ERBB4: variants seen among roughly 807,000 people sequenced by gnomAD.
ERBB4 encodes the protein receptor tyrosine-protein kinase erbB-4.
In ERBB4, 42 loss-of-function variants were observed where a neutral mutation model predicts 158.0. The observed-to-expected ratio is 0.27, with a 90% confidence interval of 0.21 to 0.34. The LOEUF (loss-of-function observed/expected upper bound fraction) is 0.34. Among genes scored for constraint, ERBB4 ranks in the 10% least tolerant of loss-of-function variants. The probability of loss-of-function intolerance (pLI) is 1.00; values close to 1 mark genes in which losing one functional copy is unlikely to be tolerated. For synonymous variants in ERBB4, 583 were observed against 558.7 expected, an observed-to-expected ratio of 1.04 and a Z score of -0.61; for missense variants, 1,333 against 1,624.1, an observed-to-expected ratio of 0.82 and a Z score of 3.08.
Position 212,071,313 on chromosome 2 carries a change from G to GA in ERBB4, c.234+53438dup, listed in dbSNP as rs35559308. Among the ~76,000 whole-genome samples the GA allele has an allele frequency of 7.9e-3, 1,160 of 146,310 alleles. 12 individuals carry two copies. The highest frequency in any genetic ancestry group is 0.027 in the African/African-American group (1,077 of 39,552). Reference sequence around the variant, plus strand: ...ACAAATTAAAGCAGACAGAAGAAATGAAAAAAAAAAAACCCACTCAGAAAC... The same window carrying GA: ...ACAAATTAAAGCAGACAGAAGAAATGAAAAAAAAAAAAACCCACTCAGAAAC... On this transcript the variant is annotated intron_variant, in intron 2 of 27. Transcript: ENST00000342788.
intron 1 of ERBB4, among the ~76,000 whole-genome samples, chr2:212,522,582 G>A (rs1575077265): frequency 6.6e-6 from 1 of 151,904 alleles, no homozygotes; most frequent in Non-Finnish European, 1.5e-5. Context: ...ACAGGGGAGG[G>A]CATCTGGACA....
At position 212,510,171 on chromosome 2, in the gene ERBB4, A is replaced by G. The variant is rs1456051421; in HGVS notation, c.82+28278T>C. On this transcript the variant is annotated intron_variant, in intron 1 of 27. Transcript: ENST00000342788. ...ATACATATAAATATATATATATATA[A>G]AAGCCTAAAAACACCTTCCATCCTA... Among the ~76,000 whole-genome samples, 6 of 145,304 alleles carry G rather than the reference A, an allele frequency of 4.1e-5. No individual in the cohort carries two copies. In the East Asian group the frequency reaches 1.2e-3, roughly 29 times the overall value.
intron 12 of ERBB4, among the ~76,000 whole-genome samples, chr2:211,698,388 A>C: frequency 6.6e-6 from 1 of 151,742 alleles, no homozygotes; most frequent in East Asian, 1.9e-4. Flanking sequence ...TGCTTATACT[A>C]TATTAAGTAT....
At position 212,438,356 on chromosome 2, in the gene ERBB4, A is replaced by G. The variant is rs186666178; in HGVS notation, c.82+100093T>C. On this transcript the variant is annotated intron_variant, in intron 1 of 27. Transcript: ENST00000342788. Reference sequence around the variant, plus strand: ...AAAATACCATTAAATGTTGGTTCTTATAAGATGTCTTATGAAAAGCTACTG... The same window carrying G: ...AAAATACCATTAAATGTTGGTTCTTGTAAGATGTCTTATGAAAAGCTACTG... Among the ~76,000 whole-genome samples, 604 of 152,228 alleles carry G rather than the reference A, an allele frequency of 4.0e-3. 6 individuals carry two copies. The highest frequency in any genetic ancestry group is 0.014 in the African/African-American group (575 of 41,566).
At chr2:211,896,841 C>G (rs1356071586) in intron 3 of ERBB4, among the ~76,000 whole-genome samples, 1 of 151,986 alleles carries the variant, frequency 6.6e-6, no homozygotes, top group South Asian at 2.1e-4. Flanking sequence ...CATGAATGAA[C>G]ATGCCACTAG....
intron 14 of ERBB4, among the ~76,000 whole-genome samples, chr2:211,667,683 A>G (rs762370322): frequency 2.0e-5 from 3 of 151,756 alleles, no homozygotes; most frequent in Admixed American, 1.3e-4. Flanking sequence ...CTTGCAGCAC[A>G]CAGAATAAAA....
At chr2:211,561,672 C>T (rs2067396377) in intron 20 of ERBB4, 3 of 521,230 alleles carry the variant, frequency 5.8e-6, no homozygotes, top group Admixed American at 3.1e-5. Context: ...TTTGTTTTGG[C>T]ACCTAGTCAA....
intron 12 of ERBB4, among the ~76,000 whole-genome samples, chr2:211,700,613 T>TTAA (rs1446622135): frequency 6.6e-6 from 1 of 152,316 alleles, no homozygotes; most frequent in African/African-American, 2.4e-5. Context: ...AGATGGGGTC[T>TTAA]TAATAAATCA....
At chr2:211,624,117 C>G in intron 17 of ERBB4, 73 bp from the exon 18 acceptor site, 1 of 1,583,064 alleles carries the variant, frequency 6.3e-7, no homozygotes, top group Non-Finnish European at 8.6e-7. Flanking sequence ...CTCTCTCTCT[C>G]TCTCTCTTTG....
intron 1 of ERBB4, among the ~76,000 whole-genome samples, chr2:212,500,511 A>T (rs1690829451): frequency 6.6e-6 from 1 of 150,618 alleles, no homozygotes. Flanking sequence ...CTAACATTTA[A>T]TTTTTTTTTT....
rs1258561163 is a variant in ERBB4 at position 211,465,285 on chromosome 2, A to T, written c.2488-34185T>A. On this transcript the variant is annotated intron_variant, in intron 20 of 27. Transcript: ENST00000342788. ...TTTGACCTCAGCTGAATGCATGAGG[A>T]AGATCAGACACCACGTGGAACAGAA... is the stretch of plus-strand genomic sequence containing the variant. Among the ~76,000 whole-genome samples, 4 of 152,276 alleles carry T rather than the reference A, an allele frequency of 2.6e-5. No individual in the cohort carries two copies. In the East Asian group the frequency reaches 7.7e-4, roughly 29 times the overall value.
At chr2:212,289,634 C>A (rs572457673) in intron 1 of ERBB4, among the ~76,000 whole-genome samples, 4 of 152,138 alleles carry the variant, frequency 2.6e-5, no homozygotes, top group East Asian at 1.9e-4. Context: ...AAGAATTGGG[C>A]TCAATGGGAA....
intron 4 of ERBB4, 120 bp downstream of exon 4, chr2:211,787,905 G>T (rs2076202125): frequency 1.0e-6 from 1 of 956,070 alleles, no homozygotes; most frequent in African/African-American, 1.6e-5. Context: ...ATATATAACT[G>T]AACATTTCAA....
intron 8 of ERBB4, among the ~76,000 whole-genome samples, chr2:211,712,761 C>A (rs1409454719): frequency 9.4e-6 from 1 of 106,532 alleles, no homozygotes; most frequent in African/African-American, 3.9e-5. Context: ...ACAAACAAAA[C>A]AATTTTTGTG....
chr2:212,000,235 A>T (rs1319325509), intron 2 of ERBB4, among the ~76,000 whole-genome samples: 2 of 151,884 alleles, frequency 1.3e-5, no homozygotes, highest in Admixed American at 1.3e-4. Flanking sequence ...ACTAATCCTC[A>T]GATAATACAG....
At chr2:212,030,700 A>G (rs1245383298) in intron 2 of ERBB4, among the ~76,000 whole-genome samples, 1 of 152,132 alleles carries the variant, frequency 6.6e-6, no homozygotes, top group Non-Finnish European at 1.5e-5. Flanking sequence ...GTTATTTAGC[A>G]CAATGGGCAA....
At chr2:211,917,340 C>A (rs541235907) in intron 3 of ERBB4, among the ~76,000 whole-genome samples, 1 of 152,112 alleles carries the variant, frequency 6.6e-6, no homozygotes, top group African/African-American at 2.4e-5. Context: ...CGTATTTTCC[C>A]GGCTCTTAGG....
intron 4 of ERBB4, among the ~76,000 whole-genome samples, chr2:211,773,808 A>G (rs1392248868): frequency 6.6e-6 from 1 of 150,998 alleles, no homozygotes; most frequent in African/African-American, 2.4e-5. Flanking sequence ...ATAGAAAACA[A>G]CCTGGATTAC....
chr2:212,063,868 G>A (rs1398762338), intron 2 of ERBB4, among the ~76,000 whole-genome samples: 1 of 152,076 alleles, frequency 6.6e-6, no homozygotes, highest in African/African-American at 2.4e-5. Flanking sequence ...CCCTTGAATG[G>A]CCCTTGAATG....
Sources: gnomAD v4.1 joint callset for allele counts (sites outside exome capture counted in the v4.1 genomes callset) on GRCh38, gnomAD v4.1.1 for gene constraint, MANE v1.5 for transcripts, NCBI Gene and HGNC (gene_info 2026-07-23, HGNC 2026-07-21) for gene names.